The following KCNH7 variants were observed in gnomAD, a reference collection of about 807,000 sequenced individuals.
KCNH7 encodes potassium voltage-gated channel subfamily H member 7.
Under a neutral mutation model 120.8 loss-of-function variants are expected in KCNH7, and 49 were observed. The ratio of observed to expected loss-of-function variants is 0.41; its 90% CI spans 0.32 to 0.51. The LOEUF is 0.51. Ranked by LOEUF, KCNH7 falls within the 20% of genes least tolerant of loss-of-function variation. The pLI is 0.38. For missense variants in KCNH7, 1,097 were observed against 1,446.6 expected (o/e 0.76, Z 3.92); for synonymous variants, 547 against 516.1 (o/e 1.06, Z -0.81).
chr2:162,718,439 T>C (rs551240578), intron 2 of KCNH7, among the ~76,000 whole-genome samples: 58 of 152,066 alleles, frequency 3.8e-4, no homozygotes, highest in Non-Finnish European at 7.5e-4. Flanking sequence ...GTGTTTTATC[T>C]CTTTGAGAGT....
chr2:162,471,892 A>G (rs1231660681), intron 6 of KCNH7, among the ~76,000 whole-genome samples: 1 of 152,248 alleles, frequency 6.6e-6, no homozygotes, highest in Non-Finnish European at 1.5e-5. Flanking sequence ...AAACAGAGAT[A>G]TAGACCAATG....
intron 11 of KCNH7, among the ~76,000 whole-genome samples, chr2:162,396,252 T>C (rs551134272): frequency 6.6e-6 from 1 of 151,890 alleles, no homozygotes; most frequent in South Asian, 2.1e-4. Flanking sequence ...CCTGACTAAT[T>C]TGTACTTCTG....
intron 2 of KCNH7, among the ~76,000 whole-genome samples, chr2:162,615,064 TCTCA>T (rs1262305843): frequency 1.3e-5 from 2 of 152,160 alleles, no homozygotes; most frequent in African/African-American, 4.8e-5. Flanking sequence ...GAATTTGGGT[TCTCA>T]CTCCACAGAA....
chr2:162,695,564 C>A (rs1179571883), intron 2 of KCNH7, among the ~76,000 whole-genome samples: 1 of 152,118 alleles, frequency 6.6e-6, no homozygotes, highest in African/African-American at 2.4e-5. Flanking sequence ...CATCTGATGA[C>A]CCTGAGAATC....
chr2:162,515,870 C>T (rs978577661), intron 4 of KCNH7, among the ~76,000 whole-genome samples: 2 of 151,730 alleles, frequency 1.3e-5, no homozygotes, highest in Non-Finnish European at 2.9e-5. Flanking sequence ...ATTGATTTAT[C>T]TTTCTTTGAA....
At chr2:162,792,879 C>T (rs557108277) in intron 2 of KCNH7, among the ~76,000 whole-genome samples, 4 of 151,056 alleles carry the variant, frequency 2.6e-5, no homozygotes, top group Non-Finnish European at 4.4e-5. Context: ...TTTGTTTGCT[C>T]TTAGTTGTCT....
chr2:162,396,905 G>T lies in KCNH7; in HGVS notation c.2448C>A (p.Ala816=). ...DIFGEMVHLY[A]KPGKSNADVR... ...CATCTGCATTAGACTTTCCAGGTTT[G>T]GCATAAAGATGAACCATTTCTCCAA... Residue 816 remains alanine, a synonymous_variant, in exon 11 of 16, where the codon GCC becomes GCA. Transcript: ENST00000332142. The T allele has an allele frequency of 6.2e-7, 1 of 1,610,792 alleles. No individual in the cohort carries two copies. The highest frequency in any genetic ancestry group is 8.5e-7 in the Non-Finnish European group (1 of 1,178,068).
chr2:162,618,368 T>C (rs1683221156), intron 2 of KCNH7, among the ~76,000 whole-genome samples: 1 of 152,066 alleles, frequency 6.6e-6, no homozygotes, highest in East Asian at 1.9e-4. Flanking sequence ...TACTGAATTT[T>C]ACAACATGGA....
intron 2 of KCNH7, among the ~76,000 whole-genome samples, chr2:162,723,864 G>A (rs1687418919): frequency 2.0e-5 from 3 of 152,012 alleles, no homozygotes; most frequent in Admixed American, 2.0e-4. Flanking sequence ...AACTATGAAG[G>A]CTACAATCAT....
At chr2:162,609,280 AT>A (rs1259948927) in intron 2 of KCNH7, among the ~76,000 whole-genome samples, 1 of 152,204 alleles carries the variant, frequency 6.6e-6, no homozygotes, top group Non-Finnish European at 1.5e-5. Flanking sequence ...GAAAAAATGG[AT>A]TTCTCAAGTA....
intron 2 of KCNH7, among the ~76,000 whole-genome samples, chr2:162,749,199 C>T (rs1201441505): frequency 6.7e-6 from 1 of 150,218 alleles, no homozygotes; most frequent in Non-Finnish European, 1.5e-5. Flanking sequence ...GCTTTCCTTT[C>T]TTTCTTTCTC....
At chr2:162,605,047 C>T (rs533199978) in intron 2 of KCNH7, among the ~76,000 whole-genome samples, 17 of 152,126 alleles carry the variant, frequency 1.1e-4, no homozygotes, top group Non-Finnish European at 2.4e-4. Flanking sequence ...CTAAAAATCT[C>T]GTCAATGAGA....
intron 14 of KCNH7, 81 bp downstream of exon 14, chr2:162,379,772 A>T: frequency 7.5e-7 from 1 of 1,340,610 alleles, no homozygotes; most frequent in Non-Finnish European, 1.0e-6. Context: ...TGGCAAGGAG[A>T]ATTTTCCATT....
chr2:162,468,079 A>G (rs990461099), intron 6 of KCNH7, among the ~76,000 whole-genome samples: 8 of 152,142 alleles, frequency 5.3e-5, no homozygotes, highest in Admixed American at 3.3e-4. Context: ...ACTCTGTCAG[A>G]GTGTTCAGGT....
At chr2:162,675,887 G>T (rs1443916602) in intron 2 of KCNH7, among the ~76,000 whole-genome samples, 1 of 151,194 alleles carries the variant, frequency 6.6e-6, no homozygotes, top group African/African-American at 2.4e-5. Flanking sequence ...AATCATGAAG[G>T]TGGCATGCAA....
intron 2 of KCNH7, among the ~76,000 whole-genome samples, chr2:162,800,695 A>T (rs1028205202): frequency 1.3e-5 from 2 of 151,934 alleles, no homozygotes; most frequent in Non-Finnish European, 2.9e-5. Flanking sequence ...GAAAATAAAA[A>T]CTTGTATGGC....
intron 2 of KCNH7, among the ~76,000 whole-genome samples, chr2:162,595,109 G>A (rs1445135203): frequency 6.6e-6 from 1 of 152,020 alleles, no homozygotes; most frequent in African/African-American, 2.4e-5. Flanking sequence ...CTAAACGAGA[G>A]AGGTTTATTT....
chr2:162,669,321 T>C (rs1475284563), intron 2 of KCNH7, among the ~76,000 whole-genome samples: 2 of 152,144 alleles, frequency 1.3e-5, no homozygotes, highest in South Asian at 2.1e-4. Flanking sequence ...GATACATCAC[T>C]GAAAAACTGC....
chr2:162,651,537 T>C (rs533784191), intron 2 of KCNH7, among the ~76,000 whole-genome samples: 1 of 152,264 alleles, frequency 6.6e-6, no homozygotes, highest in South Asian at 2.1e-4. Context: ...TACACAATCT[T>C]TTTTTTAATG....
Sources: allele counts gnomAD v4.1 joint callset (sites outside exome capture counted in the v4.1 genomes callset), GRCh38; gene constraint gnomAD v4.1.1; transcripts MANE v1.5; gene names NCBI Gene and HGNC (gene_info 2026-07-23, HGNC 2026-07-21).